Variants in CTNNA3 observed in about 807,000 individuals in gnomAD.
CTNNA3 encodes the protein catenin alpha-3.
A neutral mutation model predicts 95.7 loss-of-function variants in CTNNA3; 76 were observed. The ratio of observed to expected loss-of-function variants is 0.79; its 90% CI spans 0.66 to 0.96. The LOEUF (loss-of-function observed/expected upper bound fraction) is 0.96. Ranked by LOEUF, CTNNA3 falls within the 40% of genes least tolerant of loss-of-function variation. The pLI, the probability that CTNNA3 is intolerant of heterozygous loss-of-function variation, is 0.00. For synonymous variants in CTNNA3, 431 were observed against 374.4 expected, an observed-to-expected ratio of 1.15 and a Z score of -1.74; for missense variants, 1,191 against 1,089.8, an observed-to-expected ratio of 1.09 and a Z score of -1.31.
intron 5 of CTNNA3, among the ~76,000 whole-genome samples, chr10:67,327,818 C>G (rs1018281176): frequency 9.9e-5 from 15 of 152,190 alleles, no homozygotes; most frequent in Non-Finnish European, 1.0e-4. Context: ...GTCAACGCAG[C>G]TGGGGGGCCT....
intron 1 of CTNNA3, among the ~76,000 whole-genome samples, chr10:67,729,247 G>A (rs1221770055): frequency 6.6e-6 from 1 of 152,022 alleles, no homozygotes; most frequent in African/African-American, 2.4e-5. Context: ...GTTCATAGGA[G>A]AATCTCCAAC....
chr10:66,546,977 C>CTAT (rs1384125770), intron 10 of CTNNA3, among the ~76,000 whole-genome samples: 11 of 152,086 alleles, frequency 7.2e-5, no homozygotes, highest in African/African-American at 1.9e-4. Context: ...TGACTTATAA[C>CTAT]AACAGAGCTT....
chr10:67,128,263 C>T (rs1016727439), intron 7 of CTNNA3, among the ~76,000 whole-genome samples: 2 of 151,902 alleles, frequency 1.3e-5, no homozygotes, highest in African/African-American at 4.8e-5. Flanking sequence ...AAAGCAGACT[C>T]AGTTTATAAT....
rs1478568829 is a variant in CTNNA3 at position 67,607,013 on chromosome 10, T to G, written c.136A>C (p.Ser46Arg). ...CTTTTCGAACGTCCTTTTTTCCTGC[T>G]GGAAGGGTTCTGGGGACAGTTTACA... is the stretch of plus-strand genomic sequence containing the variant. ...TLVNCPQNPS[S>R]RKKGRSKRAS... Residue 46 changes from serine to arginine, a missense_variant, in exon 3 of 18, where the codon AGC becomes CGC. Physicochemically the swap from Ser to Arg is moderately radical, Grantham distance 110. Transcript: ENST00000433211. The G allele has an allele frequency of 6.2e-7, 1 of 1,613,966 alleles. No individual in the cohort carries two copies.
chr10:66,792,633 C>T (rs1841020609), intron 7 of CTNNA3, among the ~76,000 whole-genome samples: 1 of 152,134 alleles, frequency 6.6e-6, no homozygotes, highest in African/African-American at 2.4e-5. Flanking sequence ...CAACTCTATA[C>T]AATCCACTTA....
rs181820229 is a variant in CTNNA3 at position 65,920,783 on chromosome 10, G to A, written c.2401-166C>T. Among the ~76,000 whole-genome samples the A allele has an allele frequency of 4.6e-3, 703 of 152,170 alleles. 4 individuals carry two copies. The highest frequency in any genetic ancestry group is 0.014 in the African/African-American group (586 of 41,502). On this transcript the variant is annotated intron_variant, in intron 17 of 17. Coordinates refer to ENST00000433211, the MANE Select transcript of CTNNA3 (RefSeq NM_013266.4). ...AAAGGTTGCAGTGAGCCAAGATGGC[G>A]TCACTGCACCGCAGCCTGGGTGACA...
intron 5 of CTNNA3, among the ~76,000 whole-genome samples, chr10:67,305,391 AAGAG>A (rs1174526628): frequency 3.3e-5 from 5 of 151,512 alleles, no homozygotes; most frequent in African/African-American, 7.3e-5. Flanking sequence ...AAAAAAAAAA[AAGAG>A]AGAGAGACAA....
At chr10:66,674,300 T>C (rs1846769295) in intron 9 of CTNNA3, among the ~76,000 whole-genome samples, 1 of 152,124 alleles carries the variant, frequency 6.6e-6, no homozygotes, top group South Asian at 2.1e-4. Context: ...TTTTTTGTTG[T>C]TGTTCTTTTA....
intron 13 of CTNNA3, among the ~76,000 whole-genome samples, chr10:66,257,680 A>C (rs2090844184): frequency 6.6e-6 from 1 of 152,204 alleles, no homozygotes; most frequent in Admixed American, 6.5e-5. Context: ...GCCTCTTGAA[A>C]CCAGAAGCAT....
chr10:66,730,104 T>TG (rs1554842373), intron 9 of CTNNA3, among the ~76,000 whole-genome samples: 2,689 of 80,050 alleles, frequency 0.034, 42 homozygotes, highest in South Asian at 0.054. Flanking sequence ...ATACTCTGTC[T>TG]GAAAAAAAAA....
At chr10:66,652,762 T>G (rs889319229) in intron 9 of CTNNA3, among the ~76,000 whole-genome samples, 1 of 152,000 alleles carries the variant, frequency 6.6e-6, no homozygotes, top group East Asian at 1.9e-4. Context: ...CAAACCAAAT[T>G]CATCAGTATA....
intron 14 of CTNNA3, chr10:66,098,177 G>A (rs535827088): frequency 5.8e-4 from 88 of 152,250 alleles, no homozygotes; most frequent in African/African-American, 1.9e-3. Context: ...GTGGTCTTCA[G>A]TTTAACAAAC....
intron 15 of CTNNA3, among the ~76,000 whole-genome samples, chr10:66,008,677 A>C (rs76406446): frequency 0.012 from 1,864 of 152,360 alleles, 30 homozygotes; most frequent in African/African-American, 0.043. Flanking sequence ...AGAAATATAC[A>C]TTTTAAAGAG....
intron 12 of CTNNA3, among the ~76,000 whole-genome samples, chr10:66,366,849 A>G (rs2092714134): frequency 6.6e-6 from 1 of 152,104 alleles, no homozygotes; most frequent in Admixed American, 6.6e-5. Flanking sequence ...GTAGATGTGT[A>G]TGTGTGTATC....
At chr10:66,189,600 T>TTTTATATATATATATATATATATATA (rs1554883869) in intron 13 of CTNNA3, among the ~76,000 whole-genome samples, 3 of 89,354 alleles carry the variant, frequency 3.4e-5, no homozygotes, top group African/African-American at 9.3e-5. Flanking sequence ...TACTATAGAT[T>TTTTATATATATATATATATATATATA]TATATATATA....
intron 9 of CTNNA3, among the ~76,000 whole-genome samples, chr10:66,664,889 TAAAAAAAA>T (rs56801434): frequency 2.2e-5 from 3 of 134,520 alleles, no homozygotes; most frequent in Non-Finnish European, 3.2e-5. Flanking sequence ...CTGAAAAAAT[TAAAAAAAA>T]AAAAAAAAAA....
chr10:66,850,167 T>C, intron 7 of CTNNA3, among the ~76,000 whole-genome samples: 1 of 152,162 alleles, frequency 6.6e-6, no homozygotes, highest in East Asian at 1.9e-4. Context: ...CAAAGTTATT[T>C]TTAAAAGAAT....
At chr10:66,543,537 C>T (rs1319807422) in intron 10 of CTNNA3, among the ~76,000 whole-genome samples, 2 of 151,842 alleles carry the variant, frequency 1.3e-5, no homozygotes, top group African/African-American at 2.4e-5. Flanking sequence ...AGACAACTAC[C>T]TACACAGAAG....
chr10:66,332,061 T>C (rs1322558637), intron 12 of CTNNA3, among the ~76,000 whole-genome samples: 3 of 151,876 alleles, frequency 2.0e-5, no homozygotes, highest in Non-Finnish European at 2.9e-5. Flanking sequence ...GTTATTGGTG[T>C]ATAAGAATGC....
Sources: allele counts gnomAD v4.1 joint callset (sites outside exome capture counted in the v4.1 genomes callset), GRCh38; gene constraint gnomAD v4.1.1; transcripts MANE v1.5; gene names NCBI Gene and HGNC (gene_info 2026-07-23, HGNC 2026-07-21).